The following NPAS3 variants were observed in gnomAD, a reference collection of about 807,000 sequenced individuals.
NPAS3 encodes neuronal PAS domain-containing protein 3.
Under a neutral mutation model 73.1 loss-of-function variants are expected in NPAS3, and 14 were observed. The observed-to-expected ratio is 0.19, with a 90% confidence interval of 0.13 to 0.30. The LOEUF (loss-of-function observed/expected upper bound fraction) is 0.30. Among genes scored for constraint, NPAS3 ranks in the 10% least tolerant of loss-of-function variants. The pLI, the probability that NPAS3 is intolerant of heterozygous loss-of-function variation, is 1.00. For synonymous variants in NPAS3, 620 were observed against 541.5 expected (o/e 1.14, Z -2.01); for missense variants, 1,096 against 1,250.0 (o/e 0.88, Z 1.86).
chr14:33,476,792 G>A (rs1303525603), intron 4 of NPAS3, among the ~76,000 whole-genome samples: 4 of 152,098 alleles, frequency 2.6e-5, no homozygotes, highest in African/African-American at 7.2e-5. Context: ...TACAGGAACC[G>A]CATCATATAT....
At chr14:33,688,225 G>T (rs2060142257) in intron 6 of NPAS3, among the ~76,000 whole-genome samples, 1 of 152,186 alleles carries the variant, frequency 6.6e-6, no homozygotes, top group African/African-American at 2.4e-5. Context: ...CCCTTGCCCA[G>T]AAAGAGAGTT....
intron 2 of NPAS3, among the ~76,000 whole-genome samples, chr14:33,073,061 G>T (rs567074387): frequency 6.6e-6 from 1 of 152,110 alleles, no homozygotes; most frequent in African/African-American, 2.4e-5. Context: ...ATCACTGCTG[G>T]GTTTTAATAT....
chr14:33,401,561 T>C (rs890648492), intron 4 of NPAS3, among the ~76,000 whole-genome samples: 8 of 152,126 alleles, frequency 5.3e-5, no homozygotes, highest in African/African-American at 1.9e-4. Context: ...ATGCCTTTGA[T>C]TGTCTTTCCT....
At chr14:33,567,070 G>C (rs2055990862) in intron 5 of NPAS3, among the ~76,000 whole-genome samples, 1 of 152,160 alleles carries the variant, frequency 6.6e-6, no homozygotes, top group South Asian at 2.1e-4. Flanking sequence ...ATGGATGTGT[G>C]GATGTGTATG....
At chr14:33,317,098 G>C (rs902154338) in intron 3 of NPAS3, among the ~76,000 whole-genome samples, 2 of 152,056 alleles carry the variant, frequency 1.3e-5, no homozygotes, top group Non-Finnish European at 2.9e-5. Context: ...AAGCCAAACA[G>C]GTTACAGTGA....
chr14:33,767,771 G>C (rs2062512712), intron 7 of NPAS3, among the ~76,000 whole-genome samples: 1 of 152,144 alleles, frequency 6.6e-6, no homozygotes, highest in Non-Finnish European at 1.5e-5. Flanking sequence ...AAAGAAAGGA[G>C]AATAGCTTCC....
rs1339370907 is a variant in NPAS3, at chr14:33,800,085, C to A, written c.1778C>A (p.Ala593Asp). 1.3e-6 allele frequency: 2 copies of A among 1,594,290 alleles called. No individual in the cohort carries two copies. The highest frequency in any genetic ancestry group is 1.7e-6 in the Non-Finnish European group (2 of 1,173,974). Residue 593 changes from alanine to aspartate, a missense_variant, in exon 12 of 12, where the codon GCC becomes GAC. Around this residue, in one of 5 missense-constraint regions of NPAS3, gnomAD observed 698 missense variants for 676.7 expected, o/e 1.03. Coordinates refer to ENST00000356141, the Ensembl canonical transcript of NPAS3. This position sits in a 1 kb window ranked among gnomAD's most constrained non-coding sequence, Gnocchi z 6.5. The stretch of plus-strand genomic sequence containing the variant: ...AGCGCAGGCGAGGCGGGCGCGCAGG[C>A]CTCCAGCAAGCACCAGAAGCGCAAG...
intron 3 of NPAS3, among the ~76,000 whole-genome samples, chr14:33,319,324 C>T (rs2043338945): frequency 6.6e-6 from 1 of 152,102 alleles, no homozygotes; most frequent in Admixed American, 6.6e-5. Context: ...CAAGGGAAGG[C>T]AAATAGACTC....
chr14:33,775,245 A>G (rs1397798669), intron 8 of NPAS3, among the ~76,000 whole-genome samples: 1 of 152,152 alleles, frequency 6.6e-6, no homozygotes, highest in Non-Finnish European at 1.5e-5. Flanking sequence ...TTGGAAGAGG[A>G]AACCATGGGG....
In NPAS3 at chr14:33,306,546, G is replaced by A. The variant is rs144574172; in HGVS notation, c.386-60640G>A. ...ATTAAAATTGGCTTAGCAGGAAGAT[G>A]AATTGTGGGAATGCATCAAACCACC... is the stretch of plus-strand genomic sequence containing the variant. On this transcript the variant is annotated intron_variant, in intron 3 of 11. Coordinates refer to ENST00000356141, the Ensembl canonical transcript of NPAS3. Among the ~76,000 whole-genome samples the A allele has an allele frequency of 1.9e-3, 295 of 152,330 alleles. 1 individual carries two copies. Among genetic ancestry groups the A allele is most frequent in the African/African-American group, 6.6e-3 (274 of 41,568 alleles).
chr14:33,777,502 A>G lies in NPAS3; in HGVS notation c.1047-964A>G, dbSNP rs151012009. On this transcript the variant is annotated intron_variant, in intron 8 of 11. Transcript: ENST00000356141. Reference sequence around the variant, plus strand: ...CCAACAATGATCACATGTGTTTCTTAAATGTGTCATTTCTAAAGATTTACT... The same window carrying G: ...CCAACAATGATCACATGTGTTTCTTGAATGTGTCATTTCTAAAGATTTACT... Among the ~76,000 whole-genome samples, 71 of 152,188 alleles carry G rather than the reference A, an allele frequency of 4.7e-4. No homozygotes were observed. The Middle Eastern group carries it at 0.01, about 22-fold the overall frequency.
chr14:33,508,385 C>T (rs923561509), intron 4 of NPAS3, among the ~76,000 whole-genome samples: 23 of 151,842 alleles, frequency 1.5e-4, no homozygotes, highest in Non-Finnish European at 7.4e-5. Flanking sequence ...GAAGCAATGC[C>T]GAAAAGGGGG....
At chr14:33,068,967 G>A (rs923382632) in intron 2 of NPAS3, among the ~76,000 whole-genome samples, 15 of 152,092 alleles carry the variant, frequency 9.9e-5, no homozygotes, top group African/African-American at 2.4e-4. Flanking sequence ...GAGGGACTTC[G>A]GCTTTTGTTC....
At chr14:33,173,776 C>T (rs2045483826) in intron 2 of NPAS3, among the ~76,000 whole-genome samples, 1 of 152,154 alleles carries the variant, frequency 6.6e-6, no homozygotes, top group Admixed American at 6.6e-5. Flanking sequence ...TTTAACCTCC[C>T]TTTCAAAAAC....
exon 6 of NPAS3, chr14:33,676,377 C>A: frequency 6.4e-7 from 1 of 1,565,922 alleles, no homozygotes; most frequent in Admixed American, 2.0e-5. Context: ...TCGGAGACCC[C>A]CGAGCCAGGT....
rs2063657700 is a variant in NPAS3 at position 33,800,283 on chromosome 14, A to G, written c.1976A>G (p.Asp659Gly). ...GAGATCTCAGAACCCATCAATTTCG[A>G]CAATGACAGCAGCATCTGGAACTAC... Residue 659 changes from aspartate (D) to glycine (G), a missense_variant, in exon 12 of 12, where the codon GAC (aspartate) becomes GGC (glycine). Asp to Gly is a moderately conservative substitution (Grantham distance 94, BLOSUM62 -1). Around this residue, in one of 5 missense-constraint regions of NPAS3, gnomAD observed 698 missense variants for 676.7 expected, o/e 1.03. Transcript: ENST00000356141. This position sits in a 1 kb window ranked among gnomAD's most constrained non-coding sequence, Gnocchi z 6.5. 1.2e-6 allele frequency: 2 copies of G among 1,613,302 alleles called. No homozygotes were observed. The highest frequency in any genetic ancestry group is 8.5e-7 in the Non-Finnish European group (1 of 1,179,656).
At chr14:32,977,144 T>C (rs1307042003) in intron 1 of NPAS3, among the ~76,000 whole-genome samples, 1 of 151,134 alleles carries the variant, frequency 6.6e-6, no homozygotes, top group Non-Finnish European at 1.5e-5. Flanking sequence ...AAAACACTGA[T>C]TTGTCACTAT....
chr14:33,605,403 A>AC (rs1363660040), intron 5 of NPAS3, among the ~76,000 whole-genome samples: 1 of 151,388 alleles, frequency 6.6e-6, no homozygotes, highest in African/African-American at 2.4e-5. Flanking sequence ...TAAAAAAAAA[A>AC]AAAAAAACAC....
At chr14:33,590,124 A>T (rs1035129968) in intron 5 of NPAS3, among the ~76,000 whole-genome samples, 5 of 152,232 alleles carry the variant, frequency 3.3e-5, no homozygotes, top group African/African-American at 1.2e-4. Context: ...TCAAAGCCTC[A>T]TAAGAAAATC....
Sources: gnomAD v4.1 joint callset for allele counts (sites outside exome capture counted in the v4.1 genomes callset) on GRCh38, gnomAD v4.1.1 for gene constraint, gnomAD v4.1.1 regional missense constraint, Gnocchi (gnomAD v3.1) non-coding constraint, MANE v1.5 for transcripts, NCBI Gene and HGNC (gene_info 2026-07-23, HGNC 2026-07-21) for gene names.